UGT3A2: variants seen among roughly 807,000 people sequenced by gnomAD.
UGT3A2 encodes the protein UDP glycosyltransferase family 3 member A2, also known as UDP-glycosyltransferase 3A2.
In UGT3A2, 32 loss-of-function variants were observed where a neutral mutation model predicts 39.8. That is an observed-to-expected ratio of 0.80 (90% CI 0.61 to 1.08). The LOEUF is 1.08. UGT3A2 is among the 50% of genes least tolerant of loss of function. UGT3A2 has a pLI of 0.00. For missense variants in UGT3A2, 611 were observed against 637.1 expected (o/e 0.96, Z 0.44); for synonymous variants, 241 against 230.7 (o/e 1.04, Z -0.40).
chr5:36,040,372 A>C (rs1341775583), intron 4 of UGT3A2, among the ~76,000 whole-genome samples: 1 of 152,178 alleles, frequency 6.6e-6, no homozygotes, highest in Non-Finnish European at 1.5e-5. Flanking sequence ...TACCAAATTA[A>C]CAACTATCCA....
At chr5:36,065,981 C>T (rs1742866760) in intron 1 of UGT3A2, among the ~76,000 whole-genome samples, 1 of 152,150 alleles carries the variant, frequency 6.6e-6, no homozygotes, top group Admixed American at 6.5e-5. Context: ...CTTCTATTCC[C>T]TTTGGGGTAA....
chr5:36,037,437 G>A (rs891389203), intron 6 of UGT3A2, among the ~76,000 whole-genome samples: 2 of 152,120 alleles, frequency 1.3e-5, no homozygotes, highest in African/African-American at 4.8e-5. Flanking sequence ...AGCCAAGGGG[G>A]AGAAGAGTGC....
chr5:36,053,738 A>G (rs1742421467), intron 2 of UGT3A2, among the ~76,000 whole-genome samples: 1 of 152,218 alleles, frequency 6.6e-6, no homozygotes, highest in Non-Finnish European at 1.5e-5. Flanking sequence ...GTCTCATTAG[A>G]ATAAAATCAA....
chr5:36,059,034 GACAGGGACTTGCAGAAACTA>G (rs1742602349), intron 2 of UGT3A2, among the ~76,000 whole-genome samples: 1 of 152,136 alleles, frequency 6.6e-6, no homozygotes, highest in African/African-American at 2.4e-5. Flanking sequence ...AATAGGGAAA[GACAGGGACTTGCAGAAACTA>G]ACAGGGACCA....
chr5:36,066,762 C>T lies in UGT3A2; in HGVS notation c.28G>A (p.Val10Met). 6.2e-7 allele frequency: 1 copy of T among 1,614,214 alleles called. No individual in the cohort carries two copies. The highest frequency in any genetic ancestry group is 2.2e-5 in the East Asian group (1 of 44,868). Reference protein sequence around the residue: MAGQRVLLLVGFLLPGVLLS... With the variant: MAGQRVLLLMGFLLPGVLLS... ...AGGACCCCAGGGAGAAGGAAGCCCA[C>T]TAGAAGAAGCACTCGCTGCCCAGCC... Residue 10 changes from valine to methionine, a missense_variant, in exon 1 of 7, where the codon GTG becomes ATG. Physicochemically the swap from Val to Met is conservative, Grantham distance 21. Coordinates refer to ENST00000282507, the MANE Select transcript of UGT3A2 (RefSeq NM_174914.4).
intron 3 of UGT3A2, 61 bp from the exon 4 acceptor site, chr5:36,049,481 G>A: frequency 7.7e-7 from 1 of 1,301,610 alleles, no homozygotes; most frequent in East Asian, 2.4e-5. Context: ...GTACATAAAA[G>A]TATCTTGAGA....
Position 36,035,686 on chromosome 5 carries a change from C to T in UGT3A2, c.*12G>A, listed in dbSNP as rs1441934235. On this transcript the variant is annotated 3_prime_UTR_variant, in exon 7 of 7. Transcript: ENST00000282507. ...GCCCACCAAACAGACCCCGCCAAGG[C>T]TGCACCTGGCCTTATGTCTCCTTCA... 1.4e-5 allele frequency: 22 copies of T among 1,612,400 alleles called. No individual in the cohort carries two copies. Among genetic ancestry groups the T allele is most frequent in the Non-Finnish European group, 1.9e-5 (22 of 1,178,776 alleles).
intron 4 of UGT3A2, among the ~76,000 whole-genome samples, chr5:36,041,478 G>C (rs1372592385): frequency 6.6e-6 from 1 of 151,942 alleles, no homozygotes; most frequent in East Asian, 1.9e-4. Flanking sequence ...AATTTCAGGG[G>C]AGGTGGTCAT....
chr5:36,060,734 A>G (rs560964172), intron 2 of UGT3A2, among the ~76,000 whole-genome samples: 1 of 152,342 alleles, frequency 6.6e-6, no homozygotes, highest in African/African-American at 2.4e-5. Context: ...AAGAAGTAAT[A>G]GTGGCTGTCA....
rs1330743371 is a variant in UGT3A2 at position 36,044,755 on chromosome 5, C to G, written c.843+4134G>C. ...AATGCCCACAAACAAAATAAAATACCTAGGAATAAAGTTAAACAAAGAAGT... is the reference window on the plus strand; with the variant it reads ...AATGCCCACAAACAAAATAAAATACGTAGGAATAAAGTTAAACAAAGAAGT... On this transcript the variant is annotated intron_variant, in intron 4 of 6. Transcript: ENST00000282507. 2.0e-5 allele frequency among the ~76,000 whole-genome samples: 3 copies of G among 151,858 alleles called. No homozygotes were observed. The East Asian group carries it at 5.8e-4, about 29-fold the overall frequency.
At chr5:36,048,052 A>G (rs1170512836) in intron 4 of UGT3A2, among the ~76,000 whole-genome samples, 1 of 152,168 alleles carries the variant, frequency 6.6e-6, no homozygotes, top group Non-Finnish European at 1.5e-5. Context: ...GGTGGCTGCA[A>G]AGTCCAGGCC....
chr5:36,062,708 A>T (rs1345920016), intron 2 of UGT3A2, among the ~76,000 whole-genome samples: 1 of 152,160 alleles, frequency 6.6e-6, no homozygotes, highest in African/African-American at 2.4e-5. Context: ...TTGGCTTAGG[A>T]TTGACTTGGC....
At position 36,051,720 on chromosome 5, in the gene UGT3A2, A is replaced by G. The variant is rs9885477; in HGVS notation, c.311+150T>C. The stretch of plus-strand genomic sequence containing the variant: ...CCCCCTGTCATCTGTCTCTCCATCT[A>G]TCAATCCATCCATCCGTCCATCCAT... On this transcript the variant is annotated intron_variant, in intron 3 of 6. Transcript: ENST00000282507. The G allele has an allele frequency of 2.6e-4, 166 of 644,302 alleles. No individual in the cohort carries two copies. In the African/African-American group the frequency reaches 3.1e-3, roughly 12 times the overall value. 39.9% of individuals were successfully genotyped at this position (644,302 alleles called of 1,614,324 possible).
At chr5:36,058,355 G>T (rs557807496) in intron 2 of UGT3A2, among the ~76,000 whole-genome samples, 28 of 152,274 alleles carry the variant, frequency 1.8e-4, no homozygotes, top group African/African-American at 6.3e-4. Context: ...GGTTATCAGG[G>T]GCTGAAGGTG....
chr5:36,063,209 T>C (rs185471265), intron 2 of UGT3A2, among the ~76,000 whole-genome samples: 129 of 152,290 alleles, frequency 8.5e-4, no homozygotes, highest in Admixed American at 5.6e-3. Flanking sequence ...TATTGCATGA[T>C]GATGGAGTTT....
chr5:36,044,261 T>G (rs1182951165), intron 4 of UGT3A2, among the ~76,000 whole-genome samples: 1 of 152,026 alleles, frequency 6.6e-6, no homozygotes, highest in Non-Finnish European at 1.5e-5. Flanking sequence ...CAATTGATGC[T>G]GAAAAAGCAT....
At position 36,061,212 on chromosome 5, in the gene UGT3A2, T is replaced by C. The variant is rs117644827; in HGVS notation, c.196+3037A>G. The stretch of plus-strand genomic sequence containing the variant: ...CTAAAATGGTAGATTATGTTATATA[T>C]ATTTTACCACAATGAAATTTTAAAT... On this transcript the variant is annotated intron_variant, in intron 2 of 6. Transcript: ENST00000282507. Among the ~76,000 whole-genome samples, 201 of 151,210 alleles carry C rather than the reference T, an allele frequency of 1.3e-3. 4 individuals are homozygous for C. The East Asian group carries it at 0.033, about 25-fold the overall frequency.
At chr5:36,052,319 A>C (rs1414672795) in intron 2 of UGT3A2, among the ~76,000 whole-genome samples, 2 of 152,346 alleles carry the variant, frequency 1.3e-5, no homozygotes, top group African/African-American at 4.8e-5. Flanking sequence ...TTACAAAAAC[A>C]ATCATTTTTA....
intron 2 of UGT3A2, among the ~76,000 whole-genome samples, chr5:36,055,054 G>A (rs1323326866): frequency 2.0e-5 from 3 of 151,760 alleles, no homozygotes; most frequent in African/African-American, 4.8e-5. Flanking sequence ...CAGGAGAATC[G>A]CTTAAACCTG....
Sources: gnomAD v4.1 joint callset for allele counts (sites outside exome capture counted in the v4.1 genomes callset) on GRCh38, gnomAD v4.1.1 for gene constraint, MANE v1.5 for transcripts, NCBI Gene and HGNC (gene_info 2026-07-23, HGNC 2026-07-21) for gene names.